The following NCAM1 variants were observed in gnomAD, a reference collection of about 807,000 sequenced individuals.
NCAM1 encodes the protein neural cell adhesion molecule 1.
In NCAM1, 14 loss-of-function variants were observed where a neutral mutation model predicts 109.8. The observed-to-expected ratio is 0.13, with a 90% confidence interval of 0.08 to 0.20. The LOEUF is 0.20. Ranked by LOEUF, NCAM1 falls within the 10% of genes least tolerant of loss-of-function variation. The pLI is 1.00. For missense variants in NCAM1, 774 were observed against 1,109.9 expected, an observed-to-expected ratio of 0.70 and a Z score of 4.30; for synonymous variants, 418 against 442.9, an observed-to-expected ratio of 0.94 and a Z score of 0.70.
At chr11:113,146,228 G>C (rs1591365333) in intron 1 of NCAM1, among the ~76,000 whole-genome samples, 3 of 152,164 alleles carry the variant, frequency 2.0e-5, no homozygotes, top group Admixed American at 1.3e-4. Context: ...AAATTGATTT[G>C]ATATTTATTT....
At chr11:112,999,659 T>C (rs1951692066) in intron 1 of NCAM1, among the ~76,000 whole-genome samples, 2 of 152,152 alleles carry the variant, frequency 1.3e-5, no homozygotes, top group South Asian at 2.1e-4. Flanking sequence ...TGATTCATTA[T>C]AAATTACAGC....
At chr11:113,231,245 G>A (rs1039104842) in intron 9 of NCAM1, 19 of 1,536,108 alleles carry the variant, frequency 1.2e-5, no homozygotes, top group Non-Finnish European at 1.7e-5. Context: ...GGACAGGCTG[G>A]CAGTGCAGGT....
chr11:113,205,973 A>G, intron 4 of NCAM1, 70 bp from the exon 5 acceptor site: 1 of 1,579,748 alleles, frequency 6.3e-7, no homozygotes, highest in Non-Finnish European at 8.7e-7. Context: ...AAAAGGAAAG[A>G]GACTCAGCCA....
intron 1 of NCAM1, among the ~76,000 whole-genome samples, chr11:113,174,500 T>C (rs1462451172): frequency 6.6e-6 from 1 of 152,226 alleles, no homozygotes; most frequent in African/African-American, 2.4e-5. Context: ...TCAGCAGATA[T>C]GGCTGTGACT....
chr11:113,110,443 A>G (rs980597885), intron 1 of NCAM1, among the ~76,000 whole-genome samples: 1 of 152,190 alleles, frequency 6.6e-6, no homozygotes, highest in African/African-American at 2.4e-5. Flanking sequence ...GGCTAGCTTT[A>G]TAATTGATTA....
At chr11:112,978,924 A>C (rs1432062523) in intron 1 of NCAM1, among the ~76,000 whole-genome samples, 2 of 151,900 alleles carry the variant, frequency 1.3e-5, no homozygotes, top group East Asian at 3.9e-4. Context: ...CAGGTTTCCT[A>C]AAAACCATTT....
chr11:113,109,366 CAG>C (rs369440253), intron 1 of NCAM1, among the ~76,000 whole-genome samples: 50 of 137,976 alleles, frequency 3.6e-4, no homozygotes, highest in African/African-American at 1.3e-3. Context: ...GAAAAAAAAA[CAG>C]AGGAGGGAGG....
rs1555126016 is a variant in NCAM1, at chr11:113,273,794, G to A, written c.2457-1473G>A. The A allele has an allele frequency of 5.1e-6, 2 of 390,946 alleles. No homozygotes were observed. Among genetic ancestry groups the A allele is most frequent in the Non-Finnish European group, 1.1e-5 (2 of 189,840 alleles). 24.2% of individuals were successfully genotyped at this position (390,946 alleles called of 1,614,324 possible). A position where few individuals can be genotyped will look rare whatever the true frequency, so the allele number is the denominator to read the frequency against. ...CTGTCATCGGGTTGTGTCCTGTGGT[G>A]GTGTGCATTTGTGCTGTGCTGTGTC... On this transcript the variant is annotated intron_variant, in intron 19 of 19. Transcript: ENST00000316851. This position sits in a 1 kb window ranked among gnomAD's most constrained non-coding sequence, Gnocchi z 6.0.
chr11:113,082,930 A>AT (rs1351401661), intron 1 of NCAM1, among the ~76,000 whole-genome samples: 1 of 152,064 alleles, frequency 6.6e-6, no homozygotes, highest in African/African-American at 2.4e-5. Flanking sequence ...TTGCTGCTTG[A>AT]TTTTTCAATC....
intron 1 of NCAM1, among the ~76,000 whole-genome samples, chr11:113,111,878 T>A (rs1235063325): frequency 6.6e-6 from 1 of 152,222 alleles, no homozygotes; most frequent in East Asian, 1.9e-4. Flanking sequence ...AAAATGAGCA[T>A]GATTATTTGA....
chr11:113,269,298 G>A (rs1946213172), intron 17 of NCAM1, among the ~76,000 whole-genome samples: 1 of 152,208 alleles, frequency 6.6e-6, no homozygotes. Flanking sequence ...AGGGAAGTAA[G>A]ACACAGGCTG....
chr11:113,115,921 A>G (rs1471161617), intron 1 of NCAM1, among the ~76,000 whole-genome samples: 1 of 152,226 alleles, frequency 6.6e-6, no homozygotes, highest in African/African-American at 2.4e-5. Flanking sequence ...TAGAGTTTAG[A>G]ATATGGATCT....
chr11:113,193,985 C>T (rs1192656394), intron 1 of NCAM1, among the ~76,000 whole-genome samples: 3 of 152,128 alleles, frequency 2.0e-5, no homozygotes, highest in African/African-American at 7.2e-5. Context: ...TAATTTGACC[C>T]AGGGAACTCA....
chr11:113,044,683 C>T (rs782377387), intron 1 of NCAM1, among the ~76,000 whole-genome samples: 9 of 151,648 alleles, frequency 5.9e-5, no homozygotes, highest in Non-Finnish European at 1.2e-4. Context: ...AGACCTCTGT[C>T]TCAAAAAACA....
intron 9 of NCAM1, among the ~76,000 whole-genome samples, chr11:113,229,159 G>A (rs1944930659): frequency 6.6e-6 from 1 of 152,050 alleles, no homozygotes; most frequent in Non-Finnish European, 1.5e-5. Flanking sequence ...CTACAGAATG[G>A]GAGAAAATTT....
chr11:113,039,598 G>T (rs1327936633), intron 1 of NCAM1, among the ~76,000 whole-genome samples: 6 of 152,142 alleles, frequency 3.9e-5, no homozygotes, highest in Non-Finnish European at 8.8e-5. Context: ...CCTAGACACA[G>T]GATGTAAGTT....
chr11:112,967,314 T>C (rs538895127), intron 1 of NCAM1, among the ~76,000 whole-genome samples: 1 of 152,228 alleles, frequency 6.6e-6, no homozygotes, highest in Admixed American at 6.5e-5. Context: ...TCTTAAATAG[T>C]TGATCAAATA....
At chr11:113,131,508 A>C (rs983701069) in intron 1 of NCAM1, among the ~76,000 whole-genome samples, 1 of 152,238 alleles carries the variant, frequency 6.6e-6, no homozygotes, top group Non-Finnish European at 1.5e-5. Context: ...AGATGTATCT[A>C]ATGGAAGCTA....
chr11:113,011,546 C>T (rs1191566599), intron 1 of NCAM1, among the ~76,000 whole-genome samples: 6 of 152,040 alleles, frequency 3.9e-5, no homozygotes, highest in Non-Finnish European at 7.4e-5. Context: ...ACACTGACTT[C>T]CACAATGGTT....
Sources: allele counts gnomAD v4.1 joint callset (sites outside exome capture counted in the v4.1 genomes callset), GRCh38; gene constraint gnomAD v4.1.1; non-coding constraint Gnocchi (gnomAD v3.1); transcripts MANE v1.5; gene names NCBI Gene and HGNC (gene_info 2026-07-23, HGNC 2026-07-21).